The following PCDHA6 variants were observed in gnomAD, a reference collection of about 807,000 sequenced individuals.
PCDHA6 encodes protocadherin alpha 6, also known as protocadherin alpha-6.
In PCDHA6, 55 loss-of-function variants were observed where a neutral mutation model predicts 60.3. That is an observed-to-expected ratio of 0.91 (90% CI 0.73 to 1.14). PCDHA6 has a LOEUF of 1.14. Ranked by LOEUF, PCDHA6 falls within the 50% of genes most tolerant of loss-of-function variation. The pLI, the probability that PCDHA6 is intolerant of heterozygous loss-of-function variation, is 0.00. For synonymous variants in PCDHA6, 652 were observed against 557.9 expected (o/e 1.17, Z -2.38); for missense variants, 1,327 against 1,256.5 (o/e 1.06, Z -0.85).
intron 3 of PCDHA6, among the ~76,000 whole-genome samples, chr5:141,007,680 C>G (rs1179621299): frequency 1.3e-5 from 2 of 152,148 alleles, no homozygotes; most frequent in African/African-American, 4.8e-5. Flanking sequence ...CAAAAGTTAT[C>G]CTACTTCCAC....
intron 1 of PCDHA6, chr5:140,927,857 G>A: frequency 6.2e-7 from 1 of 1,614,172 alleles, no homozygotes; most frequent in African/African-American, 1.3e-5. Context: ...GGTTTAGCTA[G>A]CACCGCTAAA....
intron 1 of PCDHA6, chr5:140,843,181 C>T (rs1463551741): frequency 1.3e-6 from 2 of 1,595,954 alleles, no homozygotes; most frequent in Non-Finnish European, 1.7e-6. Flanking sequence ...GCCCTCGCAT[C>T]CCGTTCCGCG....
chr5:140,862,575 G>T (rs1272278191), intron 1 of PCDHA6: 3 of 486,640 alleles, frequency 6.2e-6, no homozygotes, highest in Non-Finnish European at 1.3e-5. Context: ...ATGCCCTGGC[G>T]TTCCAGCAGC....
chr5:140,856,933 C>A (rs1554149303), intron 1 of PCDHA6: 5 of 1,593,874 alleles, frequency 3.1e-6, no homozygotes, highest in East Asian at 4.5e-5. Flanking sequence ...TTTGGATAAA[C>A]GAAAGGACGG....
chr5:140,926,892 G>A (rs781956892), intron 1 of PCDHA6: 10 of 1,546,640 alleles, frequency 6.5e-6, no homozygotes, highest in African/African-American at 2.7e-5. Context: ...CTAGAGGGAG[G>A]ATGGTGGGCT....
intron 1 of PCDHA6, chr5:140,856,566 CA>C (rs1554148860): frequency 6.3e-7 from 1 of 1,597,240 alleles, no homozygotes; most frequent in South Asian, 1.1e-5. Flanking sequence ...AAACTCAGTC[CA>C]AATGAGTATT....
At chr5:140,838,083 T>TA (rs1554136873) in intron 1 of PCDHA6, among the ~76,000 whole-genome samples, 32 of 31,830 alleles carry the variant, frequency 1.0e-3, no homozygotes, top group African/African-American at 3.5e-3. Flanking sequence ...ATATAGTGTG[T>TA]GTGTGTGTGT....
chr5:140,928,043 C>T, intron 1 of PCDHA6: 1 of 1,614,192 alleles, frequency 6.2e-7, no homozygotes, highest in Non-Finnish European at 8.5e-7. Context: ...AGTGCAGGCC[C>T]TTTTCAGCTG....
chr5:140,972,893 A>T (rs1452751778), intron 1 of PCDHA6, among the ~76,000 whole-genome samples: 1 of 151,858 alleles, frequency 6.6e-6, no homozygotes, highest in African/African-American at 2.4e-5. Context: ...CGATCTCTTG[A>T]CCTTGTGATC....
At chr5:140,883,960 G>C in intron 1 of PCDHA6, 5 of 1,613,090 alleles carry the variant, frequency 3.1e-6, no homozygotes, top group Non-Finnish European at 4.2e-6. Flanking sequence ...ACGCTCCGGC[G>C]CTGCTGACGC....
At chr5:140,834,297 C>T (rs2150214922) in intron 1 of PCDHA6, 4 of 1,251,276 alleles carry the variant, frequency 3.2e-6, no homozygotes, top group African/African-American at 3.0e-5. Flanking sequence ...AATGGCCACA[C>T]ATCGAGATTG....
intron 1 of PCDHA6, among the ~76,000 whole-genome samples, chr5:140,854,875 T>A (rs2150323966): frequency 6.7e-6 from 1 of 150,054 alleles, no homozygotes; most frequent in African/African-American, 2.4e-5. Context: ...CAGAACTGTG[T>A]CTTTTGGGCA....
chr5:140,842,222 G>A (rs1777807654), intron 1 of PCDHA6: 1 of 1,613,082 alleles, frequency 6.2e-7, no homozygotes, highest in Non-Finnish European at 8.5e-7. Context: ...AAATACGGGA[G>A]AAATAGTGAT....
intron 1 of PCDHA6, chr5:140,841,122 T>A (rs1777037982): frequency 1.6e-6 from 1 of 640,424 alleles, no homozygotes; most frequent in South Asian, 2.2e-5. Flanking sequence ...CATGTAATCA[T>A]TACCTTTTGA....
chr5:140,929,614 A>G (rs1554207224), intron 1 of PCDHA6: 1 of 405,948 alleles, frequency 2.5e-6, no homozygotes, highest in African/African-American at 2.1e-5. Context: ...ATAAAATACC[A>G]AAATATTTTA....
At chr5:140,841,586 C>A (rs1327577851) in intron 1 of PCDHA6, 4 of 1,614,026 alleles carry the variant, frequency 2.5e-6, no homozygotes, top group East Asian at 4.5e-5. Flanking sequence ...TGTGAATTCT[C>A]GGATCGACCG....
At chr5:140,855,786 GAATT>G (rs2043624411) in intron 1 of PCDHA6, 1 of 434,404 alleles carries the variant, frequency 2.3e-6, no homozygotes, top group Non-Finnish European at 4.1e-6. Context: ...CGTAAAAAAA[GAATT>G]AACATATGAA....
intron 3 of PCDHA6, among the ~76,000 whole-genome samples, chr5:140,986,211 C>T (rs1257937611): frequency 1.3e-5 from 2 of 152,126 alleles, no homozygotes; most frequent in African/African-American, 2.4e-5. Flanking sequence ...GATTACTGGC[C>T]CCTTTCTCTA....
chr5:140,907,365 G>A (rs782137145), intron 1 of PCDHA6, among the ~76,000 whole-genome samples: 20 of 152,178 alleles, frequency 1.3e-4, no homozygotes, highest in African/African-American at 2.4e-4. Flanking sequence ...TTCTTTAGTC[G>A]TAAAGTGAGT....
Sources: allele counts gnomAD v4.1 joint callset (sites outside exome capture counted in the v4.1 genomes callset), GRCh38; gene constraint gnomAD v4.1.1; transcripts MANE v1.5; gene names NCBI Gene and HGNC (gene_info 2026-07-23, HGNC 2026-07-21).